The following LRRC37A2 variants were observed in gnomAD, a reference collection of about 807,000 sequenced individuals.
The protein encoded by LRRC37A2 is leucine-rich repeat-containing protein 37A2.
LRRC37A2 carries 9 observed loss-of-function variants against 68.8 expected under a neutral mutation model. That is an observed-to-expected ratio of 0.13 (90% CI 0.08 to 0.23). LRRC37A2 has a LOEUF of 0.23. Among genes scored for constraint, LRRC37A2 ranks in the 10% least tolerant of loss-of-function variants. The pLI is 1.00. For synonymous variants in LRRC37A2, 63 were observed against 367.6 expected, an observed-to-expected ratio of 0.17 and a Z score of 9.48; for missense variants, 168 against 950.4, an observed-to-expected ratio of 0.18 and a Z score of 10.82.
At chr17:46,957,274 CA>C in the LRRC37A2 span, among the ~76,000 whole-genome samples, 2 of 152,068 alleles carry the variant, frequency 1.3e-5, no homozygotes, top group African/African-American at 4.8e-5. Context: ...CACTGTACAC[CA>C]GCCTGGGCAA....
the LRRC37A2 span, chr17:46,966,531 C>T: frequency 2.9e-6 from 2 of 688,196 alleles, no homozygotes; most frequent in Non-Finnish European, 5.3e-6. Flanking sequence ...GTATTTTTTG[C>T]AGAGACAAGG....
the LRRC37A2 span, among the ~76,000 whole-genome samples, chr17:47,022,781 T>C: frequency 6.6e-6 from 1 of 152,288 alleles, no homozygotes; most frequent in South Asian, 2.1e-4. Context: ...GCATAATCCA[T>C]AGTATGGATG....
chr17:47,003,069 A>C, the LRRC37A2 span, among the ~76,000 whole-genome samples: 4 of 149,632 alleles, frequency 2.7e-5, no homozygotes, highest in East Asian at 7.9e-4. Context: ...GAGCCCCCCG[A>C]CCCCCCCAAC....
chr17:46,816,123 A>ACACACGCACGCACG, the LRRC37A2 span, among the ~76,000 whole-genome samples: 1 of 147,962 alleles, frequency 6.8e-6, no homozygotes, highest in Non-Finnish European at 1.5e-5. Flanking sequence ...ACACACACAC[A>ACACACGCACGCACG]CACACACTCA....
At chr17:46,542,975 C>T (rs1334018680) in intron 8 of LRRC37A2, among the ~76,000 whole-genome samples, 2 of 149,910 alleles carry the variant, frequency 1.3e-5, no homozygotes, top group Non-Finnish European at 2.9e-5. Flanking sequence ...ACTGCTCTAG[C>T]CTCACTTTCC....
At chr17:46,460,594 A>C in the LRRC37A2 span, among the ~76,000 whole-genome samples, 3 of 57,706 alleles carry the variant, frequency 5.2e-5, no homozygotes, top group East Asian at 8.3e-4. Flanking sequence ...GGGATAAAAG[A>C]CAAGACAGAT....
At chr17:46,759,153 A>G in the LRRC37A2 span, among the ~76,000 whole-genome samples, 4 of 152,178 alleles carry the variant, frequency 2.6e-5, no homozygotes, top group African/African-American at 9.7e-5. Context: ...GCAGTGAGCC[A>G]AGATCACACC....
At chr17:46,837,293 C>T in the LRRC37A2 span, among the ~76,000 whole-genome samples, 1 of 152,170 alleles carries the variant, frequency 6.6e-6, no homozygotes, top group East Asian at 1.9e-4. Context: ...CATCCCTTTA[C>T]TTATGTAACC....
chr17:46,761,178 C>A, the LRRC37A2 span, among the ~76,000 whole-genome samples: 1 of 152,168 alleles, frequency 6.6e-6, no homozygotes, highest in Non-Finnish European at 1.5e-5. Flanking sequence ...GTGGTTTCAG[C>A]TTTTCAGGGG....
chr17:46,545,653 G>A (rs1233053005), intron 8 of LRRC37A2, among the ~76,000 whole-genome samples: 4 of 120,846 alleles, frequency 3.3e-5, no homozygotes, highest in Non-Finnish European at 6.5e-5. Flanking sequence ...TTACTAGCTG[G>A]CATTATTTCA....
At chr17:46,875,507 C>G in the LRRC37A2 span, 1 of 1,190,196 alleles carries the variant, frequency 8.4e-7, no homozygotes, top group Non-Finnish European at 1.1e-6. Flanking sequence ...AACTTCACGT[C>G]TTCAACCAGC....
chr17:46,913,139 G>C, the LRRC37A2 span, among the ~76,000 whole-genome samples: 2 of 152,186 alleles, frequency 1.3e-5, no homozygotes, highest in Non-Finnish European at 2.9e-5. Context: ...AGCAAGAATG[G>C]CTCCACCGCT....
At chr17:46,449,755 C>CTT in the LRRC37A2 span, among the ~76,000 whole-genome samples, 125 of 88,680 alleles carry the variant, frequency 1.4e-3, 20 homozygotes, top group African/African-American at 5.1e-3. Flanking sequence ...GTTTGATTTT[C>CTT]TTTTTTTTTT....
the LRRC37A2 span, among the ~76,000 whole-genome samples, chr17:46,911,741 G>A: frequency 1.6e-4 from 25 of 152,160 alleles, no homozygotes; most frequent in African/African-American, 5.1e-4. Context: ...AAAATTAGCC[G>A]GGCATGGTGG....
chr17:46,709,285 C>T, the LRRC37A2 span, among the ~76,000 whole-genome samples: 1 of 151,516 alleles, frequency 6.6e-6, no homozygotes, highest in Non-Finnish European at 1.5e-5. Context: ...GTAATTTGGC[C>T]ATGAGGAAGT....
chr17:47,016,270 T>C, the LRRC37A2 span, among the ~76,000 whole-genome samples: 1 of 151,542 alleles, frequency 6.6e-6, no homozygotes, highest in African/African-American at 2.4e-5. Flanking sequence ...GCCATCACTA[T>C]GCACCCTATG....
the LRRC37A2 span, among the ~76,000 whole-genome samples, chr17:46,934,568 A>G: frequency 1.8e-4 from 27 of 152,204 alleles, no homozygotes; most frequent in Admixed American, 1.6e-3. Context: ...TCCTTAGTTA[A>G]CTCTCAGTCT....
At chr17:46,942,329 G>A in the LRRC37A2 span, among the ~76,000 whole-genome samples, 1 of 152,212 alleles carries the variant, frequency 6.6e-6, no homozygotes, top group African/African-American at 2.4e-5. Flanking sequence ...GGATTTTCCT[G>A]GCTCCATCCC....
chr17:46,940,545 T>A, the LRRC37A2 span: 1 of 1,614,072 alleles, frequency 6.2e-7, no homozygotes, highest in African/African-American at 1.3e-5. Context: ...AAGGCTGTCC[T>A]GTCCCCCAGG....
Sources: allele counts gnomAD v4.1 joint callset (sites outside exome capture counted in the v4.1 genomes callset), GRCh38; gene constraint gnomAD v4.1.1; transcripts MANE v1.5; gene names NCBI Gene and HGNC (gene_info 2026-07-23, HGNC 2026-07-21).